Variants in GNA14 observed in about 807,000 individuals in gnomAD.
GNA14 encodes the protein guanine nucleotide-binding protein subunit alpha-14.
A neutral mutation model predicts 42.0 loss-of-function variants in GNA14; 50 were observed. That is an observed-to-expected ratio of 1.19 (90% CI 0.95 to 1.51). The LOEUF is 1.51. Ranked by LOEUF, GNA14 falls within the 40% of genes most tolerant of loss-of-function variation. The pLI is 0.00. For synonymous variants in GNA14, 173 were observed against 163.1 expected (o/e 1.06, Z -0.46); for missense variants, 473 against 446.2 (o/e 1.06, Z -0.54).
chr9:77,511,243 G>A (rs572917722), intron 2 of GNA14, among the ~76,000 whole-genome samples: 1 of 152,050 alleles, frequency 6.6e-6, no homozygotes, highest in East Asian at 1.9e-4. Flanking sequence ...AGTTCTTCTG[G>A]GTTACACAGC....
At chr9:77,588,551 G>A (rs75988109) in intron 1 of GNA14, among the ~76,000 whole-genome samples, 6,139 of 152,246 alleles carry the variant, frequency 0.04, 175 homozygotes, top group Non-Finnish European at 0.062. Context: ...CACGGGGTGA[G>A]AAGAGAAGGA....
At chr9:77,498,384 AAAAAG>A (rs1413262464) in intron 2 of GNA14, among the ~76,000 whole-genome samples, 19 of 94,210 alleles carry the variant, frequency 2.0e-4, no homozygotes, top group South Asian at 1.1e-3. Flanking sequence ...AAAAAAAAAA[AAAAAG>A]AAAAAAAAGA....
At chr9:77,580,383 C>G (rs1587837068) in intron 1 of GNA14, 1 of 314,488 alleles carries the variant, frequency 3.2e-6, no homozygotes, top group Non-Finnish European at 6.7e-6. Context: ...ACAGCAATGA[C>G]AGGGGAAAGC....
intron 1 of GNA14, among the ~76,000 whole-genome samples, chr9:77,548,661 C>T (rs545227928): frequency 6.6e-5 from 10 of 152,324 alleles, no homozygotes; most frequent in Non-Finnish European, 1.2e-4. Flanking sequence ...ATTTGTCTTA[C>T]CCGCCATCCA....
At chr9:77,438,438 TTG>T (rs1835674141) in intron 2 of GNA14, among the ~76,000 whole-genome samples, 3 of 152,038 alleles carry the variant, frequency 2.0e-5, no homozygotes, top group Admixed American at 1.3e-4. Flanking sequence ...TGGCTAATTT[TTG>T]TGTTTTTAGT....
intron 2 of GNA14, among the ~76,000 whole-genome samples, chr9:77,459,472 T>C (rs1271142991): frequency 6.6e-6 from 1 of 151,928 alleles, no homozygotes; most frequent in Non-Finnish European, 1.5e-5. Context: ...TGCTCTTTCC[T>C]GGGCAGTGTG....
chr9:77,611,157 C>G (rs533207350), intron 1 of GNA14, among the ~76,000 whole-genome samples: 1 of 152,308 alleles, frequency 6.6e-6, no homozygotes, highest in Admixed American at 6.5e-5. Flanking sequence ...TAGTGGCTAT[C>G]AAGAACTAAG....
intron 2 of GNA14, among the ~76,000 whole-genome samples, chr9:77,468,291 A>G (rs1836272031): frequency 6.6e-6 from 1 of 152,198 alleles, no homozygotes; most frequent in African/African-American, 2.4e-5. Context: ...GTATGCTTTT[A>G]GGACAATTTC....
chr9:77,590,244 T>TC (rs1823370686), intron 1 of GNA14, among the ~76,000 whole-genome samples: 1 of 152,088 alleles, frequency 6.6e-6, no homozygotes, highest in South Asian at 2.1e-4. Flanking sequence ...TCAGCAAAAC[T>TC]CCCCATCATT....
At chr9:77,526,870 G>A (rs1837447838) in intron 2 of GNA14, among the ~76,000 whole-genome samples, 1 of 152,244 alleles carries the variant, frequency 6.6e-6, no homozygotes, top group Non-Finnish European at 1.5e-5. Flanking sequence ...AAAGGAGACA[G>A]TGGTAGATGT....
intron 2 of GNA14, among the ~76,000 whole-genome samples, chr9:77,455,002 A>T (rs1835975046): frequency 6.6e-6 from 1 of 152,240 alleles, no homozygotes; most frequent in Non-Finnish European, 1.5e-5. Context: ...AGCTTGAAAC[A>T]ATACCTTTTG....
intron 1 of GNA14, among the ~76,000 whole-genome samples, chr9:77,617,031 G>A (rs779569784): frequency 2.4e-4 from 36 of 151,714 alleles, no homozygotes; most frequent in Non-Finnish European, 4.0e-4. Flanking sequence ...CACCACGACC[G>A]GTTAATTTTT....
intron 5 of GNA14, 116 bp from the exon 6 acceptor site, chr9:77,425,831 T>G: frequency 1.3e-6 from 1 of 788,088 alleles, no homozygotes; most frequent in African/African-American, 1.8e-5. Context: ...TCTGGGCCAC[T>G]GTCTGCTGAA....
intron 2 of GNA14, among the ~76,000 whole-genome samples, chr9:77,513,481 G>C (rs540802609): frequency 4.6e-5 from 7 of 152,344 alleles, no homozygotes; most frequent in Non-Finnish European, 7.3e-5. Flanking sequence ...CAGAGTGCCT[G>C]ACATGGATTC....
chr9:77,516,977 C>T (rs1003377274), intron 2 of GNA14, among the ~76,000 whole-genome samples: 25 of 152,170 alleles, frequency 1.6e-4, no homozygotes, highest in African/African-American at 4.6e-4. Flanking sequence ...TGGACTCAGA[C>T]GTGTGAACAG....
At chr9:77,594,790 A>C (rs1328785417) in intron 1 of GNA14, among the ~76,000 whole-genome samples, 1 of 152,166 alleles carries the variant, frequency 6.6e-6, no homozygotes, top group African/African-American at 2.4e-5. Flanking sequence ...AGATTTGCTC[A>C]AGTTTCTGGG....
chr9:77,618,581 A>AATATATATATATACATAT (rs1823859209), intron 1 of GNA14, among the ~76,000 whole-genome samples: 1 of 42,612 alleles, frequency 2.3e-5, no homozygotes, highest in African/African-American at 9.5e-5. Context: ...ATTACATTTG[A>AATATATATATATACATAT]ATATATATAT....
chr9:77,490,201 A>G (rs1460247608), intron 2 of GNA14, among the ~76,000 whole-genome samples: 2 of 152,196 alleles, frequency 1.3e-5, no homozygotes, highest in African/African-American at 4.8e-5. Context: ...CAGAGTGTCA[A>G]ATGGTGCATT....
At chr9:77,486,363 G>C (rs951924372) in intron 2 of GNA14, among the ~76,000 whole-genome samples, 3 of 152,128 alleles carry the variant, frequency 2.0e-5, no homozygotes, top group African/African-American at 7.2e-5. Flanking sequence ...TTCAATTTTG[G>C]CCAAGGCAAT....
Sources: allele counts gnomAD v4.1 joint callset (sites outside exome capture counted in the v4.1 genomes callset), GRCh38; gene constraint gnomAD v4.1.1; transcripts MANE v1.5; gene names NCBI Gene and HGNC (gene_info 2026-07-23, HGNC 2026-07-21).